PLEKHG1: variants seen among roughly 807,000 people sequenced by gnomAD.
The protein encoded by PLEKHG1 is pleckstrin homology and RhoGEF domain containing G1.
Under a neutral mutation model 100.8 loss-of-function variants are expected in PLEKHG1, and 44 were observed. That is an observed-to-expected ratio of 0.44 (90% CI 0.34 to 0.56). PLEKHG1 has a LOEUF of 0.56. Among genes scored for constraint, PLEKHG1 ranks in the 20% least tolerant of loss-of-function variants. The pLI is 0.01. For synonymous variants in PLEKHG1, 640 were observed against 662.5 expected, an observed-to-expected ratio of 0.97 and a Z score of 0.52; for missense variants, 1,545 against 1,720.9, an observed-to-expected ratio of 0.90 and a Z score of 1.81.
exon 15 of PLEKHG1, chr6:150,832,026 C>A (rs1554281528): frequency 6.2e-7 from 1 of 1,613,394 alleles, no homozygotes; most frequent in South Asian, 1.1e-5. Context: ...ACAGATAAGA[C>A]AAAAAGCAGG....
In PLEKHG1 at chr6:150,831,010, C is replaced by T. The variant is rs1330476041; in HGVS notation, c.1899C>T (p.Asn633=). 3.1e-6 allele frequency: 5 copies of T among 1,614,070 alleles called. No homozygotes were observed. The highest frequency in any genetic ancestry group is 3.4e-6 in the Non-Finnish European group (4 of 1,179,990). The change falls in exon 15 of 16, where the codon AAC becomes AAT. Residue 633 remains asparagine, a synonymous_variant. Coordinates refer to ENST00000358517, the Ensembl canonical transcript of PLEKHG1. This position sits in a 1 kb window ranked among gnomAD's most constrained non-coding sequence, Gnocchi z 4.1. ...GTGACAGAACTAGGGAACTGCAGAACAGCCCCAAAACAGAAGGGCAGGAGG... is the reference window on the plus strand; with the variant it reads ...GTGACAGAACTAGGGAACTGCAGAATAGCCCCAAAACAGAAGGGCAGGAGG...
chr6:150,744,443 G>T (rs1335540673), intron 2 of PLEKHG1, among the ~76,000 whole-genome samples: 1 of 152,000 alleles, frequency 6.6e-6, no homozygotes, highest in Non-Finnish European at 1.5e-5. Context: ...GGCACCAGAA[G>T]AAAAAGTAGG....
At chr6:150,668,741 G>A (rs1412231894) in intron 3 of PLEKHG1, among the ~76,000 whole-genome samples, 1 of 152,134 alleles carries the variant, frequency 6.6e-6, no homozygotes, top group Non-Finnish European at 1.5e-5. Flanking sequence ...GGCAGAGTAT[G>A]GTAAAGGTTA....
At chr6:150,655,126 T>C (rs1214077339) in intron 3 of PLEKHG1, among the ~76,000 whole-genome samples, 1 of 152,216 alleles carries the variant, frequency 6.6e-6, no homozygotes, top group African/African-American at 2.4e-5. Flanking sequence ...GTATTGAACA[T>C]CTCTTTTCCT....
intron 1 of PLEKHG1, among the ~76,000 whole-genome samples, chr6:150,619,298 C>G (rs1418948610): frequency 6.6e-6 from 1 of 152,134 alleles, no homozygotes; most frequent in Admixed American, 6.5e-5. Context: ...TGCCTGCGTT[C>G]GCCTTTCCCA....
At chr6:150,631,753 C>T (rs747527166) in intron 1 of PLEKHG1, among the ~76,000 whole-genome samples, 15 of 152,252 alleles carry the variant, frequency 9.9e-5, no homozygotes, top group Non-Finnish European at 1.9e-4. Flanking sequence ...CCGTAGAGCA[C>T]GGTTGGGTTC....
chr6:150,799,563 G>A (rs534611674), intron 5 of PLEKHG1, among the ~76,000 whole-genome samples: 1 of 152,166 alleles, frequency 6.6e-6, no homozygotes, highest in Non-Finnish European at 1.5e-5. Context: ...CAAGCCTTTA[G>A]GTGGCCAAAG....
chr6:150,808,386 C>T (rs1340250854), intron 7 of PLEKHG1, among the ~76,000 whole-genome samples: 3 of 151,212 alleles, frequency 2.0e-5, no homozygotes, highest in Non-Finnish European at 2.9e-5. Context: ...CTTCAGTATC[C>T]GGAAGAAAGT....
In PLEKHG1 at chr6:150,831,555, C is replaced by T. The variant is rs147353497; in HGVS notation, c.2444C>T (p.Ser815Phe). 1.3e-4 allele frequency: 214 copies of T among 1,614,210 alleles called. 2 individuals are homozygous for T. In the African/African-American group the frequency reaches 2.2e-3, roughly 17 times the overall value. The change falls in exon 15 of 16, where the codon TCT becomes TTT. Residue 815 changes from serine (S) to phenylalanine (F), a missense_variant. Physicochemically the swap from Ser to Phe is radical, Grantham distance 155. Coordinates refer to ENST00000358517, the Ensembl canonical transcript of PLEKHG1. This position sits in a 1 kb window ranked among gnomAD's most constrained non-coding sequence, Gnocchi z 4.1. ...GGTTATCTGAGTTTGCTGTATGACT[C>T]TCCCAGTGGTAACTTGTCTATGCCT...
exon 16 of PLEKHG1, chr6:150,843,661 G>T (rs1161085635): frequency 6.6e-6 from 1 of 152,160 alleles, no homozygotes; most frequent in Non-Finnish European, 1.5e-5. Context: ...TAAAGTACAA[G>T]GTAATTTATA....
At chr6:150,768,803 A>C (rs1784572293) in intron 3 of PLEKHG1, 65 bp downstream of exon 4, 1 of 950,730 alleles carries the variant, frequency 1.1e-6, no homozygotes, top group Non-Finnish European at 1.7e-6. Context: ...AAATGAATGC[A>C]GCCTAAGAAA....
intron 3 of PLEKHG1, among the ~76,000 whole-genome samples, chr6:150,659,260 T>C (rs1779089877): frequency 6.6e-6 from 1 of 152,206 alleles, no homozygotes; most frequent in African/African-American, 2.4e-5. Context: ...TACAATGACA[T>C]GTTGTTGCTT....
At chr6:150,752,324 A>G (rs1336756743) in intron 2 of PLEKHG1, among the ~76,000 whole-genome samples, 1 of 152,208 alleles carries the variant, frequency 6.6e-6, no homozygotes, top group Non-Finnish European at 1.5e-5. Context: ...CCATTTTTAC[A>G]TACATAATTC....
At chr6:150,705,259 A>G (rs981955890) in intron 3 of PLEKHG1, among the ~76,000 whole-genome samples, 17 of 152,242 alleles carry the variant, frequency 1.1e-4, no homozygotes, top group Non-Finnish European at 2.1e-4. Context: ...TGAAATGTAA[A>G]GCATATTTCA....
chr6:150,622,782 A>G lies in PLEKHG1; in HGVS notation c.-203-15298A>G, dbSNP rs577009838. ...TTTTGCCACTGCAGGAGATTGGACAATTTTTCTATAAGTTGAAATTTAAAA... is the reference window on the plus strand; with the variant it reads ...TTTTGCCACTGCAGGAGATTGGACAGTTTTTCTATAAGTTGAAATTTAAAA... On this transcript the variant is annotated intron_variant, in intron 1 of 3. Coordinates refer to the PLEKHG1 transcript ENST00000367326. Among the ~76,000 whole-genome samples, 41 of 152,220 alleles carry G rather than the reference A, an allele frequency of 2.7e-4. No homozygotes were observed. The East Asian group carries it at 2.9e-3, about 11-fold the overall frequency.
At chr6:150,822,966 C>G (rs1339280077) in intron 13 of PLEKHG1, among the ~76,000 whole-genome samples, 1 of 152,026 alleles carries the variant, frequency 6.6e-6, no homozygotes, top group East Asian at 1.9e-4. Flanking sequence ...GATGACAGAG[C>G]GAGACTCCAT....
At chr6:150,692,172 C>G (rs934432192) in intron 3 of PLEKHG1, among the ~76,000 whole-genome samples, 4 of 152,228 alleles carry the variant, frequency 2.6e-5, no homozygotes, top group African/African-American at 9.6e-5. Context: ...TTGCACATCA[C>G]AACTTAATGT....
At chr6:150,629,761 A>G (rs1481219936) in intron 1 of PLEKHG1, among the ~76,000 whole-genome samples, 1 of 152,186 alleles carries the variant, frequency 6.6e-6, no homozygotes, top group Non-Finnish European at 1.5e-5. Context: ...ACCTGGCTGA[A>G]TCATCCATTT....
intron 2 of PLEKHG1, among the ~76,000 whole-genome samples, chr6:150,734,443 T>C (rs1430532218): frequency 1.3e-5 from 2 of 152,066 alleles, no homozygotes; most frequent in African/African-American, 4.8e-5. Context: ...GAGTGTCAGG[T>C]GTATGACTAA....
Sources: allele counts gnomAD v4.1 joint callset (sites outside exome capture counted in the v4.1 genomes callset), GRCh38; gene constraint gnomAD v4.1.1; non-coding constraint Gnocchi (gnomAD v3.1); transcripts MANE v1.5; gene names NCBI Gene and HGNC (gene_info 2026-07-23, HGNC 2026-07-21).